The following DOCK8 variants were observed in gnomAD, a reference collection of about 807,000 sequenced individuals.
DOCK8 encodes the protein dedicator of cytokinesis protein 8.
DOCK8 carries 141 observed loss-of-function variants against 245.6 expected under a neutral mutation model. The ratio of observed to expected loss-of-function variants is 0.57; its 90% CI spans 0.50 to 0.66. The LOEUF (loss-of-function observed/expected upper bound fraction) is 0.66, where lower values mean the gene tolerates loss of function less well. Among genes scored for constraint, DOCK8 ranks in the 30% least tolerant of loss-of-function variants. The probability of loss-of-function intolerance (pLI) is 0.00; values close to 1 mark genes in which losing one functional copy is unlikely to be tolerated. For synonymous variants in DOCK8, 1,168 were observed against 970.2 expected (o/e 1.20, Z -3.79); for missense variants, 2,965 against 2,603.4 (o/e 1.14, Z -3.02).
At chr9:343,706 A>G (rs2051723509) in intron 14 of DOCK8, among the ~76,000 whole-genome samples, 1 of 152,180 alleles carries the variant, frequency 6.6e-6, no homozygotes, top group Admixed American at 6.5e-5. Flanking sequence ...CTCAGGATGC[A>G]GTAGTTTCGA....
At chr9:256,717 C>T (rs1002726173) in intron 1 of DOCK8, among the ~76,000 whole-genome samples, 2 of 152,056 alleles carry the variant, frequency 1.3e-5, no homozygotes, top group African/African-American at 2.4e-5. Context: ...ACACCCTGAG[C>T]TGAAAGGATC....
intron 26 of DOCK8, among the ~76,000 whole-genome samples, chr9:400,042 ACCT>A (rs1285843192): frequency 8.5e-5 from 9 of 105,630 alleles, no homozygotes; most frequent in African/African-American, 3.9e-4. Context: ...CACCACCACC[ACCT>A]CCACCATCAC....
chr9:463,793 G>T (rs753525522), intron 47 of DOCK8, 106 bp downstream of exon 47: 55 of 1,351,714 alleles, frequency 4.1e-5, no homozygotes, highest in Non-Finnish European at 5.3e-5. Context: ...GCAGAACCTC[G>T]AAAGGGTGGA....
At chr9:289,919 A>G (rs185976832) in intron 4 of DOCK8, among the ~76,000 whole-genome samples, 291 of 152,356 alleles carry the variant, frequency 1.9e-3, no homozygotes, top group African/African-American at 6.8e-3. Flanking sequence ...ATGCCTTTAC[A>G]GTATCATACA....
intron 9 of DOCK8, among the ~76,000 whole-genome samples, chr9:330,464 A>C (rs2050960678): frequency 6.6e-6 from 1 of 152,164 alleles, no homozygotes; most frequent in African/African-American, 2.4e-5. Context: ...ACAACTTGGC[A>C]TTCAAAGAAA....
intron 7 of DOCK8, among the ~76,000 whole-genome samples, chr9:323,184 G>C (rs992904872): frequency 6.7e-6 from 1 of 148,666 alleles, no homozygotes; most frequent in Non-Finnish European, 1.5e-5. Flanking sequence ...TGGGCTTTTC[G>C]GTGGTAAAAT....
At chr9:403,520 T>A (rs1170332140) in intron 26 of DOCK8, among the ~76,000 whole-genome samples, 1 of 152,156 alleles carries the variant, frequency 6.6e-6, no homozygotes, top group Non-Finnish European at 1.5e-5. Flanking sequence ...TATGAATTAA[T>A]TCTGTAGGCA....
chr9:391,393 C>A (rs1167412136), intron 24 of DOCK8, among the ~76,000 whole-genome samples: 3 of 152,122 alleles, frequency 2.0e-5, no homozygotes, highest in African/African-American at 4.8e-5. Context: ...ATTATCCCAT[C>A]TCTAGCCTCA....
At chr9:434,755 A>G in intron 38 of DOCK8, 28 bp from the exon 39 acceptor site, 1 of 1,612,772 alleles carries the variant, frequency 6.2e-7, no homozygotes, top group Non-Finnish European at 8.5e-7. Flanking sequence ...CTGTCCTCAA[A>G]ACTACTTCTC....
chr9:215,333 C>G lies in DOCK8; in HGVS notation c.53+304C>G, dbSNP rs1238092531. 7 of 1,602,232 alleles carry G rather than the reference C, an allele frequency of 4.4e-6. No homozygotes were observed. In the African/African-American group the frequency reaches 8.2e-5, roughly 19 times the overall value. On this transcript the variant is annotated intron_variant, in intron 1 of 47. Transcript: ENST00000432829. The stretch of plus-strand genomic sequence containing the variant: ...CCGCCCTCCAGGTTCTTACAGGTGG[C>G]CGGGTCCCAGAAGGGTGATAGGCGC...
intron 44 of DOCK8, among the ~76,000 whole-genome samples, chr9:449,551 A>T (rs2031945): frequency 2.2e-4 from 33 of 152,088 alleles, no homozygotes; most frequent in Middle Eastern, 3.4e-3. Flanking sequence ...GAGTATAAAG[A>T]GGTTGTTGAG....
chr9:238,690 C>T (rs2047316548), intron 1 of DOCK8, among the ~76,000 whole-genome samples: 1 of 152,156 alleles, frequency 6.6e-6, no homozygotes, highest in Non-Finnish European at 1.5e-5. Context: ...AGTTCCAGTA[C>T]ATATGTGATG....
intron 12 of DOCK8, among the ~76,000 whole-genome samples, chr9:338,630 C>G: frequency 6.6e-6 from 1 of 152,120 alleles, no homozygotes; most frequent in Non-Finnish European, 1.5e-5. Flanking sequence ...ATGCTTTCTC[C>G]ACCTTCGAAC....
chr9:415,050 T>A, intron 29 of DOCK8, 99 bp downstream of exon 29: 3 of 1,487,580 alleles, frequency 2.0e-6, no homozygotes, highest in Non-Finnish European at 2.8e-6. Flanking sequence ...GCTGATATGT[T>A]CATATGAGCA....
chr9:279,558 A>G (rs1321189143), intron 2 of DOCK8, among the ~76,000 whole-genome samples: 1 of 152,204 alleles, frequency 6.6e-6, no homozygotes, highest in Non-Finnish European at 1.5e-5. Context: ...TTCTCAGTAC[A>G]TGAGACTTTA....
In DOCK8 at chr9:418,124, G is replaced by T; in HGVS notation, c.3757G>T (p.Gly1253Cys). 1 of 1,614,176 alleles carries T rather than the reference G, an allele frequency of 6.2e-7. No individual in the cohort carries two copies. The highest frequency in any genetic ancestry group is 8.5e-7 in the Non-Finnish European group (1 of 1,180,022). ...CTCGGATGAAGAACAAGAAGGAGCCGGTGCCATTAACCAGAATGTGGCTCT... is the reference window on the plus strand; with the variant it reads ...CTCGGATGAAGAACAAGAAGGAGCCTGTGCCATTAACCAGAATGTGGCTCT... ...SGSDEEQEGA[G>C]AINQNVALAI... Residue 1253 changes from glycine to cysteine, a missense_variant, in exon 30 of 48, where the codon GGT becomes TGT. Transcript: ENST00000432829.
intron 12 of DOCK8, among the ~76,000 whole-genome samples, chr9:336,972 C>G (rs149640731): frequency 6.6e-6 from 1 of 152,102 alleles, no homozygotes; most frequent in Non-Finnish European, 1.5e-5. Flanking sequence ...TTCTTGCTGG[C>G]GGGGCCTCTC....
intron 1 of DOCK8, among the ~76,000 whole-genome samples, chr9:255,819 T>C (rs763168658): frequency 6.6e-6 from 1 of 152,042 alleles, no homozygotes; most frequent in Non-Finnish European, 1.5e-5. Flanking sequence ...ACAACAAACA[T>C]AGTATTATTT....
At chr9:298,288 G>A (rs1477091382) in intron 4 of DOCK8, among the ~76,000 whole-genome samples, 6 of 152,140 alleles carry the variant, frequency 3.9e-5, no homozygotes, top group Admixed American at 1.3e-4. Flanking sequence ...AGCTGGGTAC[G>A]GTGGCGCATG....
Sources: gnomAD v4.1 joint callset for allele counts (sites outside exome capture counted in the v4.1 genomes callset) on GRCh38, gnomAD v4.1.1 for gene constraint, MANE v1.5 for transcripts, NCBI Gene and HGNC (gene_info 2026-07-23, HGNC 2026-07-21) for gene names.